Variants in KCNV2 observed in about 807,000 individuals in gnomAD.
KCNV2 encodes the protein potassium voltage-gated channel subfamily V member 2.
A neutral mutation model predicts 37.0 loss-of-function variants in KCNV2; 65 were observed. That is an observed-to-expected ratio of 1.76 (90% confidence interval 1.44 to 2.16). KCNV2 has a LOEUF of 2.16. Ranked by LOEUF, KCNV2 falls within the 30% of genes most tolerant of loss-of-function variation. The pLI is 0.00. For missense variants in KCNV2, 1,232 were observed against 766.7 expected (o/e 1.61, Z -7.17); for synonymous variants, 518 against 328.6 (o/e 1.58, Z -6.23).
At position 2,719,020 on chromosome 9, in the gene KCNV2, G is replaced by C. The variant is rs970151348; in HGVS notation, c.1281G>C (p.Ala427=). ...CCATGGGCATCTTCACTTTCTCTGC[G>C]GCTGTCTACTCTGTGGAGCACGATG... ...FIAMGIFTFS[A]AVYSVEHDVP... Residue 427 remains alanine, a synonymous_variant, in exon 1 of 2, where the codon GCG becomes GCC. Transcript: ENST00000382082. 1.2e-6 allele frequency: 2 copies of C among 1,612,774 alleles called. No homozygotes were observed. The highest frequency in any genetic ancestry group is 1.7e-6 in the Non-Finnish European group (2 of 1,180,020).
Position 2,718,121 on chromosome 9 carries a change from A to G in KCNV2, c.382A>G (p.Thr128Ala). ...FPKTRLGRLA[T>A]STSRSRQLSL... The stretch of plus-strand genomic sequence containing the variant: ...CAAGACGCGCCTAGGTCGCCTGGCC[A>G]CCTCCACCAGCCGCAGCCGCCAGCT... The change falls in exon 1 of 2, where the codon ACC becomes GCC. Residue 128 changes from threonine to alanine, a missense_variant. Thr to Ala is a moderately conservative substitution (Grantham distance 58). Transcript: ENST00000382082. The G allele has an allele frequency of 6.2e-7, 1 of 1,600,736 alleles. No homozygotes were observed. The highest frequency in any genetic ancestry group is 1.1e-5 in the South Asian group (1 of 89,742).
At chr9:2,727,259 G>C (rs1313178696) in intron 1 of KCNV2, among the ~76,000 whole-genome samples, 1 of 145,308 alleles carries the variant, frequency 6.9e-6, no homozygotes, top group Non-Finnish European at 1.5e-5. Context: ...ACAGGAAGGG[G>C]AACATCACAC....
chr9:2,721,631 T>C (rs1819870794), intron 1 of KCNV2, among the ~76,000 whole-genome samples: 1 of 152,146 alleles, frequency 6.6e-6, no homozygotes, highest in Admixed American at 6.5e-5. Flanking sequence ...CCCAGTAGTA[T>C]TCTTAACACT....
rs1469352434 is a variant in KCNV2, at chr9:2,726,283, C to T, written c.1357-3163C>T. Among the ~76,000 whole-genome samples the T allele has an allele frequency of 3.9e-5, 6 of 152,118 alleles. No homozygotes were observed. In the East Asian group the frequency reaches 1.2e-3, roughly 29 times the overall value. On this transcript the variant is annotated intron_variant, in intron 1 of 1. Coordinates refer to ENST00000382082, the MANE Select transcript of KCNV2 (RefSeq NM_133497.4). ...ATCACTTGTTGAGTCAAATTATTCA[C>T]GAAATAGACAACATATAAATTAACT... is the stretch of plus-strand genomic sequence containing the variant.
chr9:2,720,711 G>C (rs1405285205), intron 1 of KCNV2, among the ~76,000 whole-genome samples: 2 of 152,308 alleles, frequency 1.3e-5, no homozygotes, highest in South Asian at 2.1e-4. Context: ...TTAAAGGCTA[G>C]TGCATGAAGG....
intron 1 of KCNV2, 38 bp downstream of exon 1, chr9:2,719,133 C>G (rs750338987): frequency 6.3e-6 from 10 of 1,599,764 alleles, no homozygotes; most frequent in Non-Finnish European, 8.5e-6. Flanking sequence ...ATCCTCTTCC[C>G]CAGCCCAGTG....
At chr9:2,728,881 TAAAAAAAA>T (rs60674628) in intron 1 of KCNV2, among the ~76,000 whole-genome samples, 7 of 98,394 alleles carry the variant, frequency 7.1e-5, no homozygotes, top group East Asian at 3.0e-4. Flanking sequence ...CTGTTTTAAA[TAAAAAAAA>T]AAAAAAAGAA....
At position 2,717,688 on chromosome 9, in the gene KCNV2, G is replaced by C; in HGVS notation, c.-52G>C. ...CTCCTAGAGGCAGTGAGCAGGTGAG[G>C]GACCCCTACCACAGCCAGGAGGAAA... On this transcript the variant is annotated 5_prime_UTR_variant, in exon 1 of 2. Coordinates refer to ENST00000382082, the MANE Select transcript of KCNV2 (RefSeq NM_133497.4). 6.2e-7 allele frequency: 1 copy of C among 1,612,396 alleles called. No homozygotes were observed. Among genetic ancestry groups the C allele is most frequent in the Non-Finnish European group, 8.5e-7 (1 of 1,179,010 alleles).
At chr9:2,723,820 C>A (rs911125431) in intron 1 of KCNV2, among the ~76,000 whole-genome samples, 4 of 152,214 alleles carry the variant, frequency 2.6e-5, no homozygotes, top group Non-Finnish European at 4.4e-5. Flanking sequence ...AACAGGCCCA[C>A]GCCTAAAGCA....
Position 2,718,401 on chromosome 9 carries a change from G to A in KCNV2, c.662G>A (p.Arg221His), listed in dbSNP as rs1476130174. Residue 221 changes from arginine (R) to histidine (H), a missense_variant, in exon 1 of 2, where the codon CGC becomes CAC. By Grantham distance (29) the Arg-to-His change is conservative. Transcript: ENST00000382082. ...SERLKIQHEL[R>H]AQAQVEEAEE... Reference sequence around the variant, plus strand: ...CGGCTCAAGATCCAGCACGAGCTGCGCGCGCAGGCGCAGGTCGAGGAGGCG... The same window carrying A: ...CGGCTCAAGATCCAGCACGAGCTGCACGCGCAGGCGCAGGTCGAGGAGGCG... The A allele has an allele frequency of 6.2e-7, 1 of 1,602,030 alleles. No individual in the cohort carries two copies. Among genetic ancestry groups the A allele is most frequent in the Non-Finnish European group, 8.5e-7 (1 of 1,175,394 alleles).
intron 1 of KCNV2, among the ~76,000 whole-genome samples, chr9:2,727,955 T>G (rs73388760): frequency 0.015 from 2,273 of 152,232 alleles, 70 homozygotes; most frequent in African/African-American, 0.052. Context: ...TGCTTGTATT[T>G]TGACTCTGCA....
intron 1 of KCNV2, among the ~76,000 whole-genome samples, chr9:2,725,181 C>G (rs1438095068): frequency 1.3e-5 from 2 of 152,194 alleles, no homozygotes; most frequent in Non-Finnish European, 2.9e-5. Context: ...TAATAGATCT[C>G]AAACTTACAT....
chr9:2,719,940 A>G (rs1436945639), intron 1 of KCNV2, among the ~76,000 whole-genome samples: 1 of 152,252 alleles, frequency 6.6e-6, no homozygotes, highest in African/African-American at 2.4e-5. Context: ...TGTTTACTCA[A>G]ATATCTGTAT....
In KCNV2 at chr9:2,718,960, C is replaced by T. The variant is rs1819809154; in HGVS notation, c.1221C>T (p.Cys407=). ...LRAFGFTLRQ[C]YQQVGCLLLF... The stretch of plus-strand genomic sequence containing the variant: ...CCTTCGGCTTCACGCTGCGCCAGTG[C>T]TACCAGCAGGTGGGCTGCCTGCTGC... The change falls in exon 1 of 2, where the codon TGC becomes TGT. Residue 407 remains cysteine, a synonymous_variant. Transcript: ENST00000382082. 6.2e-7 allele frequency: 1 copy of T among 1,610,746 alleles called. No individual in the cohort carries two copies. The highest frequency in any genetic ancestry group is 1.7e-5 in the Admixed American group (1 of 60,034).
At chr9:2,725,832 G>T (rs1263535833) in intron 1 of KCNV2, among the ~76,000 whole-genome samples, 2 of 152,144 alleles carry the variant, frequency 1.3e-5, no homozygotes, top group Admixed American at 6.5e-5. Context: ...TGTTAAATGA[G>T]AAATCCAAGT....
At chr9:2,726,771 G>A (rs952098746) in intron 1 of KCNV2, among the ~76,000 whole-genome samples, 2 of 152,182 alleles carry the variant, frequency 1.3e-5, no homozygotes, top group Non-Finnish European at 2.9e-5. Context: ...CAGGAGATGA[G>A]TGGAGGGCCA....
In KCNV2 at chr9:2,717,840, G is replaced by A. The variant is rs747836038; in HGVS notation, c.101G>A (p.Gly34Asp). The change falls in exon 1 of 2, where the codon GGT becomes GAT. Residue 34 changes from glycine to aspartate, a missense_variant. By Grantham distance (94) the Gly-to-Asp change is moderately conservative. Transcript: ENST00000382082. ...CACCGCAGGAGCATTTGCTCCCTGG[G>A]TGCCCGTTCCGGCTCCCAGGCCAGC... ...SQHRRSICSL[G>D]ARSGSQASIH... The A allele has an allele frequency of 1.9e-6, 3 of 1,614,210 alleles. No individual in the cohort carries two copies. The highest frequency in any genetic ancestry group is 2.2e-5 in the East Asian group (1 of 44,878).
rs761137635 is a variant in KCNV2 at position 2,729,421 on chromosome 9, C to A, written c.1357-25C>A. The A allele has an allele frequency of 5.6e-6, 9 of 1,612,374 alleles. No individual in the cohort carries two copies. The East Asian group carries it at 2.0e-4, about 36-fold the overall frequency. Reference sequence around the variant, plus strand: ...CTCCCCGATCTTAGTGCTAACAATTCCATCCTGCTTTCCTTCCTCTACAGG... The same window carrying A: ...CTCCCCGATCTTAGTGCTAACAATTACATCCTGCTTTCCTTCCTCTACAGG... On this transcript the variant is annotated intron_variant, in intron 1 of 1. Transcript: ENST00000382082.
At chr9:2,727,090 C>T (rs985283540) in intron 1 of KCNV2, among the ~76,000 whole-genome samples, 2 of 152,166 alleles carry the variant, frequency 1.3e-5, no homozygotes, top group Admixed American at 1.3e-4. Context: ...TCCCTTTAGG[C>T]CTCCTCCAGG....
Sources: gnomAD v4.1 joint callset for allele counts (sites outside exome capture counted in the v4.1 genomes callset) on GRCh38, gnomAD v4.1.1 for gene constraint, MANE v1.5 for transcripts, NCBI Gene and HGNC (gene_info 2026-07-23, HGNC 2026-07-21) for gene names.